Variants in MOB3C observed in about 807,000 individuals in gnomAD.
The protein encoded by MOB3C is MOB kinase activator 3C, also known as MOB1, Mps One Binder kinase activator-like 2C.
MOB3C carries 17 observed loss-of-function variants against 19.8 expected under a neutral mutation model. The observed-to-expected ratio is 0.86, with a 90% CI of 0.59 to 1.29. The LOEUF (loss-of-function observed/expected upper bound fraction) is 1.29, where lower values mean the gene tolerates loss of function less well. Ranked by LOEUF, MOB3C falls within the 50% of genes most tolerant of loss-of-function variation. The probability of loss-of-function intolerance (pLI) is 0.00; values close to 1 mark genes in which losing one functional copy is unlikely to be tolerated. For synonymous variants in MOB3C, 101 were observed against 119.2 expected (o/e 0.85, Z 0.99); for missense variants, 291 against 301.9 (o/e 0.96, Z 0.27).
intron 2 of MOB3C, among the ~76,000 whole-genome samples, chr1:46,610,888 C>G (rs1043362367): frequency 1.3e-5 from 2 of 152,220 alleles, no homozygotes; most frequent in African/African-American, 4.8e-5. Flanking sequence ...ACATCACACT[C>G]TTGTATACAA....
chr1:46,615,302 C>T (rs1171347569), intron 1 of MOB3C: 4 of 534,654 alleles, frequency 7.5e-6, no homozygotes, highest in Non-Finnish European at 1.0e-5. Flanking sequence ...AACACGCCCC[C>T]ACTCTTTTGC....
In MOB3C at chr1:46,610,034, T is replaced by C. The variant is rs1285367030; in HGVS notation, c.589A>G (p.Ser197Gly). 1 of 1,614,248 alleles carries C rather than the reference T, an allele frequency of 6.2e-7. No homozygotes were observed. ...KHFYYFIREF[S>G]LVDQRELEPL... ...TCCAGCTCCCGCTGGTCCACCAGAC[T>C]GAACTCGCGGATGAAGTAGTAGAAG... Residue 197 changes from serine (S) to glycine (G), a missense_variant, in exon 3 of 4, where the codon AGT becomes GGT. Ser to Gly is a moderately conservative substitution (Grantham distance 56). Transcript: ENST00000319928.
chr1:46,616,498 C>T (rs1675563652), intron 1 of MOB3C: 1 of 150,444 alleles, frequency 6.6e-6, no homozygotes, highest in African/African-American at 2.4e-5. Flanking sequence ...CCCCCAACCC[C>T]TCCCCTCTGC....
At chr1:46,615,279 T>C (rs759613457) in intron 1 of MOB3C, 5 of 550,006 alleles carry the variant, frequency 9.1e-6, no homozygotes, top group Non-Finnish European at 1.6e-5. Context: ...CCTGGGCTTC[T>C]TCCTGATTCC....
chr1:46,612,724 G>A (rs1428814353), intron 2 of MOB3C, among the ~76,000 whole-genome samples, 180 bp downstream of exon 2: 1 of 152,028 alleles, frequency 6.6e-6, no homozygotes, highest in African/African-American at 2.4e-5. Flanking sequence ...TTGGGAGTCA[G>A]GAAGTCCTAG....
At chr1:46,615,290 T>A in intron 1 of MOB3C, 1 of 543,756 alleles carries the variant, frequency 1.8e-6, no homozygotes, top group Non-Finnish European at 3.3e-6. Context: ...TCCTGATTCC[T>A]GAACACGCCC....
rs1675538707 is a variant in MOB3C at position 46,615,142 on chromosome 1, G to T, written c.-51+1569C>A. ...CCAAAATCCCTCACACTGCAATTAG[G>T]CGGGGCTCCTGGGCTCCCCACATTG... On this transcript the variant is annotated intron_variant, in intron 1 of 3. Coordinates refer to ENST00000319928, the MANE Select transcript of MOB3C (RefSeq NM_201403.3). The T allele has an allele frequency of 3.0e-6, 4 of 1,328,974 alleles. No homozygotes were observed. In the East Asian group the frequency reaches 9.2e-5, roughly 31 times the overall value. The allele number at this position is 1,328,974 out of a possible 1,614,324, so 82.3% of individuals were successfully genotyped here.
Position 46,612,893 on chromosome 1 carries a change from G to A in MOB3C, c.418+11C>T. ...CTCCCAGTGGCTCCCTCCCCGCCAG[G>A]TGACACTCACCAACACGCGTGGGAA... On this transcript the variant is annotated intron_variant, in intron 2 of 3. Transcript: ENST00000319928. The A allele has an allele frequency of 6.5e-7, 1 of 1,536,570 alleles. No homozygotes were observed. The highest frequency in any genetic ancestry group is 8.8e-7 in the Non-Finnish European group (1 of 1,139,952).
intron 1 of MOB3C, chr1:46,615,285 A>G (rs1310454994): frequency 1.8e-6 from 1 of 542,488 alleles, no homozygotes; most frequent in East Asian, 3.0e-5. Context: ...CTTCTTCCTG[A>G]TTCCTGAACA....
rs1478973695 is a variant in MOB3C at position 46,616,728 on chromosome 1, T to G, written c.-68A>C. On this transcript the variant is annotated 5_prime_UTR_variant, in exon 1 of 4. Transcript: ENST00000319928. ...ACACTCACGGGTCCTCTTCTGGCCG[T>G]GGGGTCACATTCCCAGCCACAGGAT... 2.0e-5 allele frequency: 3 copies of G among 152,294 alleles called. No individual in the cohort carries two copies. The highest frequency in any genetic ancestry group is 2.9e-5 in the Non-Finnish European group (2 of 68,146). 9.4% of individuals were successfully genotyped at this position (152,294 alleles called of 1,614,324 possible).
In MOB3C at chr1:46,610,113, G is replaced by T; in HGVS notation, c.510C>A (p.Phe170Leu). The T allele has an allele frequency of 6.2e-7, 1 of 1,614,210 alleles. No individual in the cohort carries two copies. Among genetic ancestry groups the T allele is most frequent in the African/African-American group, 1.3e-5 (1 of 75,052 alleles). ...CTGCCCCCATGCTGAGGATGCTATC[G>T]AAGTGGTGGATGTAGACATGGACAA... is the stretch of plus-strand genomic sequence containing the variant. ...RVFVHVYIHH[F>L]DSILSMGAEA... The change falls in exon 3 of 4, where the codon TTC (phenylalanine) becomes TTA (leucine). Residue 170 changes from phenylalanine (F) to leucine (L), a missense_variant. Physicochemically the swap from Phe to Leu is conservative, Grantham distance 22 (BLOSUM62 0). Coordinates refer to ENST00000319928, the MANE Select transcript of MOB3C (RefSeq NM_201403.3).
chr1:46,610,277 A>G, intron 2 of MOB3C, 73 bp from the exon 3 acceptor site: 2 of 1,419,260 alleles, frequency 1.4e-6, no homozygotes, highest in Non-Finnish European at 2.0e-6. Context: ...TCCCTCCCAC[A>G]CACAGGCAAC....
intron 2 of MOB3C, among the ~76,000 whole-genome samples, chr1:46,610,694 C>A (rs1298128712): frequency 1.3e-5 from 2 of 152,174 alleles, no homozygotes; most frequent in Non-Finnish European, 2.9e-5. Flanking sequence ...ACTTTTCTTT[C>A]TAATGAAGCA....
At position 46,613,129 on chromosome 1, in the gene MOB3C, C is replaced by T. The variant is rs751844185; in HGVS notation, c.193G>A (p.Val65Met). 17 of 1,614,248 alleles carry T rather than the reference C, an allele frequency of 1.1e-5. No homozygotes were observed. Among genetic ancestry groups the T allele is most frequent in the Non-Finnish European group, 1.4e-5 (16 of 1,180,040 alleles). The change falls in exon 2 of 4, where the codon GTG (valine) becomes ATG (methionine). Residue 65 changes from valine (V) to methionine (M), a missense_variant. Transcript: ENST00000319928. ...NIDDWIAVHV[V>M]DFFNRINLIY... Reference sequence around the variant, plus strand: ...AGGTTGATGCGGTTGAAGAAGTCCACCACGTGCACGGCGATCCAGTCGTCG... The same window carrying T: ...AGGTTGATGCGGTTGAAGAAGTCCATCACGTGCACGGCGATCCAGTCGTCG...
intron 2 of MOB3C, 135 bp from the exon 3 acceptor site, chr1:46,610,339 CAG>C (rs968777125): frequency 1.0e-5 from 7 of 700,884 alleles, no homozygotes; most frequent in African/African-American, 1.8e-5. Context: ...CTTTGGAAAA[CAG>C]AGAGTGGTTT....
intron 2 of MOB3C, among the ~76,000 whole-genome samples, 162 bp downstream of exon 2, chr1:46,612,742 T>C (rs1467981791): frequency 6.6e-6 from 1 of 151,948 alleles, no homozygotes; most frequent in Non-Finnish European, 1.5e-5. Context: ...TAGCAAATGC[T>C]TGACCTTGAG....
intron 3 of MOB3C, 119 bp downstream of exon 3, chr1:46,609,883 G>A: frequency 7.7e-7 from 1 of 1,304,028 alleles, no homozygotes; most frequent in African/African-American, 1.5e-5. Context: ...ACTGTTAAAT[G>A]AATTGCCTTC....
In MOB3C at chr1:46,613,097, G is replaced by A. The variant is rs770855909; in HGVS notation, c.225C>T (p.Tyr75=). ...CACTGCAGCGCTCCGCCATAGTGCC[G>A]TAGATGAGGTTGATGCGGTTGAAGA... ...VDFFNRINLI[Y]GTMAERCSET... is the part of the protein sequence containing the mutation. Residue 75 remains tyrosine (Y), a synonymous_variant, in exon 2 of 4, where the codon TAC becomes TAT. Coordinates refer to ENST00000319928, the MANE Select transcript of MOB3C (RefSeq NM_201403.3). 9.3e-6 allele frequency: 15 copies of A among 1,614,114 alleles called. No homozygotes were observed. The highest frequency in any genetic ancestry group is 2.2e-5 in the East Asian group (1 of 44,898).
intron 3 of MOB3C, 78 bp from the exon 4 acceptor site, chr1:46,609,762 G>C (rs1461430123): frequency 6.4e-7 from 1 of 1,574,720 alleles, no homozygotes; most frequent in African/African-American, 1.4e-5. Flanking sequence ...ATAGGGCCTA[G>C]CTGCTCTTCT....
Sources: allele counts gnomAD v4.1 joint callset (sites outside exome capture counted in the v4.1 genomes callset), GRCh38; gene constraint gnomAD v4.1.1; transcripts MANE v1.5; gene names NCBI Gene and HGNC (gene_info 2026-07-23, HGNC 2026-07-21).